The following SPON2 variants were observed in gnomAD, a reference collection of about 807,000 sequenced individuals.
SPON2 encodes the protein spondin-2.
Under a neutral mutation model 29.9 loss-of-function variants are expected in SPON2, and 32 were observed. The ratio of observed to expected loss-of-function variants is 1.07; its 90% CI spans 0.81 to 1.44. SPON2 has a LOEUF of 1.44. Among genes scored for constraint, SPON2 ranks in the 40% most tolerant of loss-of-function variants. SPON2 has a pLI of 0.00. For synonymous variants in SPON2, 248 were observed against 209.1 expected, an observed-to-expected ratio of 1.19 and a Z score of -1.61; for missense variants, 541 against 455.5, an observed-to-expected ratio of 1.19 and a Z score of -1.71.
intron 5 of SPON2, among the ~76,000 whole-genome samples, chr4:1,168,743 G>T (rs1727326923): frequency 6.6e-6 from 1 of 152,216 alleles, no homozygotes; most frequent in African/African-American, 2.4e-5. Context: ...GGCAGTGCCT[G>T]TTCTACAGCG....
chr4:1,207,648 G>T (rs972958264), intron 1 of SPON2, among the ~76,000 whole-genome samples: 5 of 143,760 alleles, frequency 3.5e-5, no homozygotes, highest in Non-Finnish European at 7.7e-5. Context: ...GGGTCCGGCT[G>T]CCTAACCATG....
chr4:1,205,988 C>G (rs1000911955), intron 1 of SPON2, among the ~76,000 whole-genome samples: 1 of 151,626 alleles, frequency 6.6e-6, no homozygotes, highest in Non-Finnish European at 1.5e-5. Context: ...TCCCTCCAGG[C>G]CCCCAACCCT....
At chr4:1,184,212 A>C (rs749794666) in intron 1 of SPON2, among the ~76,000 whole-genome samples, 18 of 152,116 alleles carry the variant, frequency 1.2e-4, no homozygotes, top group Non-Finnish European at 2.5e-4. Flanking sequence ...CAAGTGATTC[A>C]CCCACCTCAG....
intron 5 of SPON2, 101 bp from the exon 6 acceptor site, chr4:1,167,757 C>A: frequency 7.6e-7 from 1 of 1,314,918 alleles, no homozygotes; most frequent in Non-Finnish European, 1.0e-6. Flanking sequence ...CATCAGAGGC[C>A]ACGCCCACCC....
At chr4:1,205,892 C>G (rs943551308) in intron 1 of SPON2, among the ~76,000 whole-genome samples, 15 of 152,184 alleles carry the variant, frequency 9.9e-5, no homozygotes, top group African/African-American at 3.6e-4. Flanking sequence ...GACCTCCTCG[C>G]TCGGGCCTGG....
chr4:1,205,953 C>A (rs895756100), intron 1 of SPON2, among the ~76,000 whole-genome samples: 1 of 152,178 alleles, frequency 6.6e-6, no homozygotes, highest in African/African-American at 2.4e-5. Flanking sequence ...CCCCTAGCTC[C>A]CCTGGCTGCC....
upstream of SPON2, among the ~76,000 whole-genome samples, chr4:1,175,859 C>T (rs1158315385): frequency 6.6e-6 from 1 of 152,084 alleles, no homozygotes; most frequent in East Asian, 1.9e-4. Context: ...CAGGCAGGGC[C>T]ACAGCTGATT....
intron 1 of SPON2, among the ~76,000 whole-genome samples, chr4:1,186,057 A>C (rs921529424): frequency 1.4e-5 from 2 of 148,060 alleles, no homozygotes; most frequent in Non-Finnish European, 3.0e-5. Flanking sequence ...ATCCTGGCTA[A>C]CACGGTGAAA....
chr4:1,169,536 G>C (rs1727353406), intron 5 of SPON2, among the ~76,000 whole-genome samples: 2 of 152,156 alleles, frequency 1.3e-5, no homozygotes, highest in African/African-American at 4.8e-5. Context: ...CTGACAGTAA[G>C]CTTGTAATTA....
chr4:1,178,445 G>T (rs976943387), intron 2 of SPON2, among the ~76,000 whole-genome samples: 2 of 152,044 alleles, frequency 1.3e-5, no homozygotes, highest in African/African-American at 4.8e-5. Flanking sequence ...GGGGCCACAT[G>T]GTCCAGTGGC....
rs1169240041 is a variant in SPON2 at position 1,202,130 on chromosome 4, C to G, written c.-234+5750G>C. Among the ~76,000 whole-genome samples the G allele has an allele frequency of 6.6e-6, 1 of 152,226 alleles. No homozygotes were observed. Among genetic ancestry groups the G allele is most frequent in the Non-Finnish European group, 1.5e-5 (1 of 68,042 alleles). On this transcript the variant is annotated intron_variant, in intron 1 of 3. Coordinates refer to the SPON2 transcript ENST00000509233. The surrounding 1 kb of genome is among the most constrained non-coding windows in gnomAD (Gnocchi z 5.4). ...CGCCACGGTTTGAGTGAGGCCACAA[C>G]AGAACATCAGACAGCAGTTTATCAA...
At chr4:1,200,608 A>G in intron 1 of SPON2, 2 of 349,040 alleles carry the variant, frequency 5.7e-6, no homozygotes, top group Non-Finnish European at 1.1e-5. Flanking sequence ...CTGCCCCCAC[A>G]ACAGCTGTTC....
chr4:1,171,235 C>T, intron 3 of SPON2, 28 bp downstream of exon 3: 3 of 1,431,450 alleles, frequency 2.1e-6, no homozygotes, highest in Non-Finnish European at 2.7e-6. Context: ...GCCCCCCGGA[C>T]CCCGCCCCCG....
In SPON2 at chr4:1,194,265, C is replaced by T. The variant is rs555530169; in HGVS notation, c.-239+725G>A. Among the ~76,000 whole-genome samples, 3 of 152,262 alleles carry T rather than the reference C, an allele frequency of 2.0e-5. No individual in the cohort carries two copies. The East Asian group carries it at 5.8e-4, about 29-fold the overall frequency. On this transcript the variant is annotated intron_variant, in intron 1 of 3. Coordinates refer to the SPON2 transcript ENST00000502483. ...CGGGCCTCTTCTGCCAAGGCCATGTCATTGGGAGGTGGCCCAGTCAGGGTG... is the reference window on the plus strand; with the variant it reads ...CGGGCCTCTTCTGCCAAGGCCATGTTATTGGGAGGTGGCCCAGTCAGGGTG...
chr4:1,171,504 C>T lies in SPON2; in HGVS notation c.221-18G>A. On this transcript the variant is annotated intron_variant, in intron 2 of 5. Coordinates refer to ENST00000290902, the MANE Select transcript of SPON2 (RefSeq NM_012445.4). ...CGCGGCCCCTGCAGGACCACCCGGC[C>T]GCGCCGCGGACCATGGTCAGACACT... The T allele has an allele frequency of 1.9e-6, 3 of 1,603,390 alleles. No individual in the cohort carries two copies. The highest frequency in any genetic ancestry group is 1.7e-6 in the Non-Finnish European group (2 of 1,173,042).
At chr4:1,170,344 C>A in intron 5 of SPON2, 58 bp downstream of exon 5, 1 of 1,537,826 alleles carries the variant, frequency 6.5e-7, no homozygotes, top group Non-Finnish European at 8.8e-7. Context: ...GTTTGGTGGT[C>A]GCCCTGTGGC....
rs370571539 is a variant in SPON2 at position 1,167,447 on chromosome 4, C to T, written c.*25G>A. ...CCCGACACCCCATGGCTCCGGGGGG[C>T]CCCAGGGGCTGCGGGGCTCTGGTCT... On this transcript the variant is annotated 3_prime_UTR_variant, in exon 6 of 6. Coordinates refer to ENST00000290902, the MANE Select transcript of SPON2 (RefSeq NM_012445.4). 44 of 1,601,018 alleles carry T rather than the reference C, an allele frequency of 2.7e-5. No individual in the cohort carries two copies. The highest frequency in any genetic ancestry group is 3.7e-5 in the Non-Finnish European group (43 of 1,172,660).
At chr4:1,204,151 C>T (rs1241538971) in intron 1 of SPON2, among the ~76,000 whole-genome samples, 11 of 152,222 alleles carry the variant, frequency 7.2e-5, no homozygotes, top group African/African-American at 2.4e-4. Context: ...GGATTACAGG[C>T]GTGAGCCACT....
At chr4:1,187,217 A>G (rs183722288) in intron 1 of SPON2, among the ~76,000 whole-genome samples, 1 of 152,364 alleles carries the variant, frequency 6.6e-6, no homozygotes, top group East Asian at 1.9e-4. Flanking sequence ...GACATATGCT[A>G]TAATATGGAT....
Sources: gnomAD v4.1 joint callset for allele counts (sites outside exome capture counted in the v4.1 genomes callset) on GRCh38, gnomAD v4.1.1 for gene constraint, Gnocchi (gnomAD v3.1) non-coding constraint, MANE v1.5 for transcripts, NCBI Gene and HGNC (gene_info 2026-07-23, HGNC 2026-07-21) for gene names.